Variants in ITFG1 observed in about 807,000 individuals in gnomAD.
ITFG1 encodes T-cell immunomodulatory protein.
In ITFG1, 34 loss-of-function variants were observed where a neutral mutation model predicts 81.8. That is an observed-to-expected ratio of 0.42 (90% CI 0.32 to 0.55). The LOEUF is 0.55. Among genes scored for constraint, ITFG1 ranks in the 20% least tolerant of loss-of-function variants. The pLI is 0.17. For missense variants in ITFG1, 672 were observed against 755.4 expected (o/e 0.89, Z 1.29); for synonymous variants, 285 against 270.6 (o/e 1.05, Z -0.52).
At chr16:47,432,922 T>G (rs548326217) in intron 5 of ITFG1, among the ~76,000 whole-genome samples, 258 of 152,310 alleles carry the variant, frequency 1.7e-3, no homozygotes, top group Non-Finnish European at 2.4e-3. Context: ...TAACCCAAAG[T>G]AATTTCAGAA....
chr16:47,160,979 C>G (rs1358393356), intron 16 of ITFG1, among the ~76,000 whole-genome samples: 1 of 152,126 alleles, frequency 6.6e-6, no homozygotes, highest in African/African-American at 2.4e-5. Flanking sequence ...CCACTGGTTA[C>G]ATATTCATAG....
At chr16:47,360,343 C>G (rs961497283) in intron 8 of ITFG1, among the ~76,000 whole-genome samples, 1 of 152,104 alleles carries the variant, frequency 6.6e-6, no homozygotes, top group African/African-American at 2.4e-5. Context: ...GAGAGAATAT[C>G]TGCAACTTCA....
intron 10 of ITFG1, among the ~76,000 whole-genome samples, chr16:47,278,985 T>C (rs544772845): frequency 6.6e-6 from 1 of 152,074 alleles, no homozygotes; most frequent in East Asian, 2.0e-4. Flanking sequence ...TGAATCTTCC[T>C]ATTTTTTTTT....
chr16:47,315,505 T>C (rs1967339575), intron 8 of ITFG1, among the ~76,000 whole-genome samples: 2 of 152,274 alleles, frequency 1.3e-5, no homozygotes, highest in South Asian at 4.1e-4. Flanking sequence ...GACAAAATGC[T>C]CATATTAGAA....
intron 8 of ITFG1, among the ~76,000 whole-genome samples, chr16:47,335,832 T>C (rs1488135271): frequency 2.6e-5 from 4 of 152,186 alleles, no homozygotes; most frequent in Admixed American, 6.5e-5. Flanking sequence ...CATACACTTA[T>C]CATATTGATC....
rs1197857958 is a variant in ITFG1 at position 47,368,237 on chromosome 16, T to TAAA, written c.721-2371_721-2369dup. 6.2e-3 allele frequency among the ~76,000 whole-genome samples: 484 copies of TAAA among 77,998 alleles called. 9 individuals are homozygous for TAAA. Among genetic ancestry groups the TAAA allele is most frequent in the African/African-American group, 0.021 (464 of 21,750 alleles). The allele number at this position is 77,998 out of a possible 152,430, so 51.2% of individuals were successfully genotyped here. A position where few individuals can be genotyped will look rare whatever the true frequency, so the allele number is the denominator to read the frequency against. On this transcript the variant is annotated intron_variant, in intron 7 of 17. Coordinates refer to ENST00000320640, the MANE Select transcript of ITFG1 (RefSeq NM_030790.5). ...TGACAGAGCGAGACTCCGTCTCAAT[T>TAAA]AAAAAAAAAAAAAAAAAAAAGATCA...
At chr16:47,334,633 T>C (rs1967679063) in intron 8 of ITFG1, among the ~76,000 whole-genome samples, 1 of 152,124 alleles carries the variant, frequency 6.6e-6, no homozygotes, top group Non-Finnish European at 1.5e-5. Context: ...GTTAGCTGGA[T>C]TATAACGCTG....
At position 47,326,460 on chromosome 16, in the gene ITFG1, G is replaced by T. The variant is rs539191358; in HGVS notation, c.803-12637C>A. Among the ~76,000 whole-genome samples the T allele has an allele frequency of 2.4e-3, 369 of 152,296 alleles. 2 individuals carry two copies. Among genetic ancestry groups the T allele is most frequent in the African/African-American group, 8.3e-3 (346 of 41,558 alleles). On this transcript the variant is annotated intron_variant, in intron 8 of 17. Coordinates refer to ENST00000320640, the MANE Select transcript of ITFG1 (RefSeq NM_030790.5). ...ACCACTAATATTCAAAATAGTGTTG[G>T]AAGTTCTGGCCAGGGCAATTAGGCA... is the stretch of plus-strand genomic sequence containing the variant.
chr16:47,170,736 C>CTTTT (rs35976837), intron 14 of ITFG1, among the ~76,000 whole-genome samples: 9 of 121,178 alleles, frequency 7.4e-5, no homozygotes, highest in African/African-American at 2.3e-4. Context: ...TCTAGATTAT[C>CTTTT]TTTTTTTTTT....
Position 47,155,763 on chromosome 16 carries a change from C to A in ITFG1, c.1795G>T (p.Glu599Ter). Reference protein sequence around the residue: ...HWQEKKADDREKRQEAHRFHF... With the variant: ...HWQEKKADDR ...AACCGGTGGGCTTCTTGTCGTTTTT[C>A]TCTATCATCTGCTTTCTGAAAAAGA... The change falls in exon 18 of 18, where the codon GAA becomes TAA. Residue 599 changes from glutamate (E) to a stop codon, truncating the protein, a stop_gained. Transcript: ENST00000320640. LOFTEE classifies it high-confidence loss of function. The A allele has an allele frequency of 6.3e-7, 1 of 1,593,460 alleles. No individual in the cohort carries two copies. Among genetic ancestry groups the A allele is most frequent in the Non-Finnish European group, 8.6e-7 (1 of 1,168,482 alleles).
chr16:47,293,072 A>G (rs1194467849), intron 10 of ITFG1, among the ~76,000 whole-genome samples: 1 of 148,038 alleles, frequency 6.8e-6, no homozygotes, highest in Non-Finnish European at 1.5e-5. Flanking sequence ...ACACATATAC[A>G]TATATATGTA....
chr16:47,205,858 A>C (rs1002707616), intron 14 of ITFG1, among the ~76,000 whole-genome samples: 1 of 151,410 alleles, frequency 6.6e-6, no homozygotes, highest in African/African-American at 2.4e-5. Context: ...CTATCTATCT[A>C]TCTATCTATC....
intron 10 of ITFG1, among the ~76,000 whole-genome samples, chr16:47,267,491 A>G (rs1966290568): frequency 6.6e-6 from 1 of 152,204 alleles, no homozygotes; most frequent in Non-Finnish European, 1.5e-5. Flanking sequence ...GTCTCTTTTA[A>G]TAATTGATAA....
At chr16:47,377,883 C>T (rs1251071554) in intron 6 of ITFG1, among the ~76,000 whole-genome samples, 1 of 152,118 alleles carries the variant, frequency 6.6e-6, no homozygotes, top group Non-Finnish European at 1.5e-5. Context: ...TAATTATGGA[C>T]AACATGCTAT....
chr16:47,237,610 G>T (rs1025372950), intron 13 of ITFG1, among the ~76,000 whole-genome samples: 3 of 152,078 alleles, frequency 2.0e-5, no homozygotes, highest in African/African-American at 7.2e-5. Flanking sequence ...CCTATACCAG[G>T]TACACAAGAT....
At chr16:47,313,315 C>A (rs1240491635) in intron 9 of ITFG1, among the ~76,000 whole-genome samples, 1 of 152,078 alleles carries the variant, frequency 6.6e-6, no homozygotes, top group Non-Finnish European at 1.5e-5. Context: ...CTGTCAGATT[C>A]TAAATTGCTT....
intron 12 of ITFG1, among the ~76,000 whole-genome samples, chr16:47,246,226 G>T (rs947693237): frequency 2.0e-5 from 3 of 152,054 alleles, no homozygotes; most frequent in Non-Finnish European, 2.9e-5. Flanking sequence ...TGTCAAATTT[G>T]AAGTTTCACA....
chr16:47,197,804 G>A (rs1336764375), intron 14 of ITFG1, among the ~76,000 whole-genome samples: 1 of 152,248 alleles, frequency 6.6e-6, no homozygotes, highest in Middle Eastern at 3.4e-3. Flanking sequence ...AGAGAGCCTT[G>A]GCCACATTTC....
chr16:47,224,031 C>G (rs1231999037), intron 13 of ITFG1, among the ~76,000 whole-genome samples: 4 of 129,830 alleles, frequency 3.1e-5, no homozygotes, highest in Admixed American at 3.0e-4. Flanking sequence ...CACATGGACA[C>G]AGGAAGGGGA....
Sources: gnomAD v4.1 joint callset for allele counts (sites outside exome capture counted in the v4.1 genomes callset) on GRCh38, gnomAD v4.1.1 for gene constraint, MANE v1.5 for transcripts, NCBI Gene and HGNC (gene_info 2026-07-23, HGNC 2026-07-21) for gene names.